Variants in IGF2R observed in about 807,000 individuals in gnomAD.
The protein encoded by IGF2R is cation-independent mannose-6-phosphate receptor.
A neutral mutation model predicts 270.6 loss-of-function variants in IGF2R; 91 were observed. That is an observed-to-expected ratio of 0.34 (90% confidence interval 0.28 to 0.40). The LOEUF is 0.40. IGF2R is among the 10% of genes least tolerant of loss of function. The pLI is 1.00. For synonymous variants in IGF2R, 1,316 were observed against 1,258.9 expected (o/e 1.05, Z -0.96); for missense variants, 2,805 against 3,188.3 (o/e 0.88, Z 2.90).
intron 7 of IGF2R, 86 bp downstream of exon 7, chr6:160,029,741 T>C: frequency 1.2e-6 from 1 of 862,834 alleles, no homozygotes. Flanking sequence ...TGGGGCAGGG[T>C]GGGCCTGGAT....
intron 1 of IGF2R, among the ~76,000 whole-genome samples, chr6:159,977,042 C>G (rs1236319005): frequency 6.6e-6 from 1 of 152,192 alleles, no homozygotes; most frequent in Non-Finnish European, 1.5e-5. Context: ...CCCAGCTTAC[C>G]AGTTCTCCCA....
rs1778439846 is a variant in IGF2R at position 160,061,594 on chromosome 6, G to A, written c.3354G>A (p.Arg1118=). ...AVDTSVDGRK[R]TFYLSVCNPL... is the part of the protein sequence containing the mutation. ...ACACCTCTGTCGATGGGAGAAAGAGGACTTTCTATTTGAGCGTTTGCAATC... is the reference window on the plus strand; with the variant it reads ...ACACCTCTGTCGATGGGAGAAAGAGAACTTTCTATTTGAGCGTTTGCAATC... The change falls in exon 24 of 48, where the codon AGG becomes AGA. Residue 1118 remains arginine, a synonymous_variant. Coordinates refer to ENST00000356956, the MANE Select transcript of IGF2R (RefSeq NM_000876.4). 1 of 1,613,816 alleles carries A rather than the reference G, an allele frequency of 6.2e-7. No homozygotes were observed. The highest frequency in any genetic ancestry group is 1.3e-5 in the African/African-American group (1 of 74,912).
chr6:160,035,673 C>A (rs1777803833), intron 10 of IGF2R, among the ~76,000 whole-genome samples: 1 of 152,154 alleles, frequency 6.6e-6, no homozygotes, highest in Non-Finnish European at 1.5e-5. Context: ...TTTTTAAGTA[C>A]CTATTTGCTT....
chr6:160,047,155 TCAG>T lies in IGF2R; in HGVS notation c.2052-3_2052-1del. 1 of 1,613,934 alleles carries T rather than the reference TCAG, an allele frequency of 6.2e-7. No homozygotes were observed. The highest frequency in any genetic ancestry group is 1.3e-5 in the African/African-American group (1 of 75,044). ...TTGCTGAGAGAAACGTGTGTTTATT[TCAG>T]TGATGAGAAGACTTGGAACTTGGGT... On this transcript the variant is annotated splice_acceptor_variant and splice_polypyrimidine_tract_variant and intron_variant, in intron 15 of 47. Coordinates refer to ENST00000356956, the MANE Select transcript of IGF2R (RefSeq NM_000876.4). LOFTEE classifies it high-confidence loss of function.
At chr6:160,072,145 C>T in intron 32 of IGF2R, 109 bp downstream of exon 32, 1 of 1,416,130 alleles carries the variant, frequency 7.1e-7, no homozygotes, top group South Asian at 1.2e-5. Flanking sequence ...GCAGCAGGCG[C>T]CCTGGGCAGA....
In IGF2R at chr6:160,100,830, G is replaced by C. The variant is rs182285143; in HGVS notation, c.6843-1689G>C. ...TTTGGAGACAGAGACTTGCTCTTTT[G>C]CCCAGGCTGGAGTGCAGTGGTGCGA... On this transcript the variant is annotated intron_variant, in intron 45 of 47. Coordinates refer to ENST00000356956, the MANE Select transcript of IGF2R (RefSeq NM_000876.4). Among the ~76,000 whole-genome samples the C allele has an allele frequency of 5.4e-3, 445 of 82,976 alleles. 4 individuals are homozygous for C. The highest frequency in any genetic ancestry group is 0.012 in the South Asian group (25 of 2,130). 54.4% of individuals were successfully genotyped at this position (82,976 alleles called of 152,430 possible). A position where few individuals can be genotyped will look rare whatever the true frequency, so the allele number is the denominator to read the frequency against.
Position 159,998,070 on chromosome 6 carries a change from G to C in IGF2R, c.289+6747G>C, listed in dbSNP as rs1053652850. ...ATTCTTGGGTCTGACATTATCCTTGGTGATATACTTAGGAAACTTACAGGT... is the reference window on the plus strand; with the variant it reads ...ATTCTTGGGTCTGACATTATCCTTGCTGATATACTTAGGAAACTTACAGGT... On this transcript the variant is annotated intron_variant, in intron 2 of 47. Transcript: ENST00000356956. The surrounding 1 kb of genome is among the most constrained non-coding windows in gnomAD (Gnocchi z 4.1). Among the ~76,000 whole-genome samples the C allele has an allele frequency of 6.6e-6, 1 of 152,132 alleles. No individual in the cohort carries two copies. The highest frequency in any genetic ancestry group is 2.4e-5 in the African/African-American group (1 of 41,416).
intron 12 of IGF2R, 94 bp from the exon 13 acceptor site, chr6:160,044,420 T>C (rs1562355040): frequency 1.1e-5 from 12 of 1,119,792 alleles, no homozygotes; most frequent in Admixed American, 2.6e-5. Flanking sequence ...CTTTCTTTCT[T>C]TCTCTTTCTT....
intron 38 of IGF2R, among the ~76,000 whole-genome samples, 153 bp downstream of exon 38, chr6:160,079,940 G>C (rs1050049270): frequency 6.6e-6 from 1 of 152,176 alleles, no homozygotes; most frequent in African/African-American, 2.4e-5. Flanking sequence ...GTACACCCCC[G>C]GTGTGAATGC....
At chr6:160,040,914 G>T (rs1232581075) in intron 11 of IGF2R, among the ~76,000 whole-genome samples, 190 bp downstream of exon 11, 1 of 152,204 alleles carries the variant, frequency 6.6e-6, no homozygotes, top group Non-Finnish European at 1.5e-5. Flanking sequence ...AACTGAATTT[G>T]AGACCAGCAT....
chr6:160,056,096 A>G (rs1374061173), intron 19 of IGF2R, among the ~76,000 whole-genome samples: 1 of 152,092 alleles, frequency 6.6e-6, no homozygotes, highest in Non-Finnish European at 1.5e-5. Flanking sequence ...GCCTTTGTGT[A>G]TGGCTTCTTG....
In IGF2R at chr6:160,056,543, T is replaced by A. The variant is rs1194022942; in HGVS notation, c.2796+18T>A. 1 of 1,535,300 alleles carries A rather than the reference T, an allele frequency of 6.5e-7. No homozygotes were observed. Among genetic ancestry groups the A allele is most frequent in the Non-Finnish European group, 9.0e-7 (1 of 1,108,486 alleles). On this transcript the variant is annotated intron_variant, in intron 20 of 47. Coordinates refer to ENST00000356956, the MANE Select transcript of IGF2R (RefSeq NM_000876.4). ...CAGACCAGGTACGTGTGCTTTCACC[T>A]GGCCCTCGTGCTGAGCTGCCTGCTG...
intron 45 of IGF2R, among the ~76,000 whole-genome samples, chr6:160,100,236 G>A (rs1779452672): frequency 6.6e-6 from 1 of 152,022 alleles, no homozygotes; most frequent in Non-Finnish European, 1.5e-5. Context: ...AAACAACTCT[G>A]TTTACAGGGA....
At chr6:160,041,413 G>C (rs547642409) in intron 11 of IGF2R, among the ~76,000 whole-genome samples, 1 of 151,990 alleles carries the variant, frequency 6.6e-6, no homozygotes, top group Non-Finnish European at 1.5e-5. Context: ...GTTCTCGCTC[G>C]TAAGTGGGAG....
intron 4 of IGF2R, among the ~76,000 whole-genome samples, chr6:160,011,491 T>A (rs1363641639): frequency 6.6e-6 from 1 of 152,042 alleles, no homozygotes; most frequent in African/African-American, 2.4e-5. Flanking sequence ...TTTTGAAATA[T>A]GTATACATTG....
rs573725551 is a variant in IGF2R at position 160,108,818 on chromosome 6, G to A, written c.*3734G>A. 2.0e-5 allele frequency: 3 copies of A among 152,360 alleles called. No homozygotes were observed. The East Asian group carries it at 5.8e-4, about 29-fold the overall frequency. 9.4% of individuals were successfully genotyped at this position (152,360 alleles called of 1,614,324 possible). ...CTGCCTCAGCCTCCCTAGTAGCTGG[G>A]ATTAAAGGCACGCACTGCCACGCCC... On this transcript the variant is annotated 3_prime_UTR_variant, in exon 48 of 48. Coordinates refer to ENST00000356956, the MANE Select transcript of IGF2R (RefSeq NM_000876.4).
chr6:160,025,458 A>G (rs1005411109), intron 5 of IGF2R, among the ~76,000 whole-genome samples: 2 of 152,206 alleles, frequency 1.3e-5, no homozygotes, highest in Non-Finnish European at 2.9e-5. Flanking sequence ...ATAGTACATA[A>G]TGCTTTGCCC....
rs373008966 is a variant in IGF2R at position 160,047,849 on chromosome 6, G to C, written c.2287G>C (p.Glu763Gln). ...GTACACCAGCTATGCCTGCCCGGAG[G>C]AGCCCCTGGAATGCGTAGTGACCGA... ...RWYTSYACPE[E>Q]PLECVVTDPS... is the part of the protein sequence containing the mutation. Residue 763 changes from glutamate (E) to glutamine (Q), a missense_variant, in exon 17 of 48, where the codon GAG becomes CAG. By Grantham distance (29) the Glu-to-Gln change is conservative. Around this residue, in one of 2 missense-constraint regions of IGF2R, gnomAD observed 954 missense variants for 981.1 expected, o/e 0.97. Transcript: ENST00000356956. 1.9e-6 allele frequency: 3 copies of C among 1,614,184 alleles called. No homozygotes were observed. In the Admixed American group the frequency reaches 5.0e-5, roughly 27 times the overall value.
At chr6:160,087,508 C>T (rs1358035307) in intron 41 of IGF2R, among the ~76,000 whole-genome samples, 1 of 152,166 alleles carries the variant, frequency 6.6e-6, no homozygotes, top group Non-Finnish European at 1.5e-5. Flanking sequence ...TGGGTTTGAC[C>T]CCAGGTCTTA....
Sources: allele counts gnomAD v4.1 joint callset (sites outside exome capture counted in the v4.1 genomes callset), GRCh38; gene constraint gnomAD v4.1.1; regional missense constraint gnomAD v4.1.1; non-coding constraint Gnocchi (gnomAD v3.1); transcripts MANE v1.5; gene names NCBI Gene and HGNC (gene_info 2026-07-23, HGNC 2026-07-21).